The following DCC variants were observed in gnomAD, a reference collection of about 807,000 sequenced individuals.
DCC encodes the protein netrin receptor DCC.
DCC carries 58 observed loss-of-function variants against 172.5 expected under a neutral mutation model. The observed-to-expected ratio is 0.34, with a 90% CI of 0.27 to 0.42. The LOEUF (loss-of-function observed/expected upper bound fraction) is 0.42. DCC is among the 10% of genes least tolerant of loss of function. The pLI is 1.00. For synonymous variants in DCC, 709 were observed against 644.5 expected, an observed-to-expected ratio of 1.10 and a Z score of -1.52; for missense variants, 1,740 against 1,791.0, an observed-to-expected ratio of 0.97 and a Z score of 0.51.
At chr18:52,810,708 A>G (rs1183304107) in intron 2 of DCC, among the ~76,000 whole-genome samples, 1 of 152,164 alleles carries the variant, frequency 6.6e-6, no homozygotes, top group Non-Finnish European at 1.5e-5. Context: ...AGTGTAGAAA[A>G]CCAATTAGGA....
At chr18:53,480,329 G>T (rs922044768) in intron 25 of DCC, among the ~76,000 whole-genome samples, 1 of 152,144 alleles carries the variant, frequency 6.6e-6, no homozygotes, top group Non-Finnish European at 1.5e-5. Flanking sequence ...CTTGGAAAGC[G>T]TGTATAAACC....
At chr18:53,493,400 G>A (rs1378453851) in intron 26 of DCC, among the ~76,000 whole-genome samples, 2 of 152,168 alleles carry the variant, frequency 1.3e-5, no homozygotes, top group Non-Finnish European at 2.9e-5. Flanking sequence ...TCCTTGTCTT[G>A]TGCCAGTTTT....
At chr18:52,674,486 C>G (rs1488412162) in intron 1 of DCC, among the ~76,000 whole-genome samples, 1 of 152,222 alleles carries the variant, frequency 6.6e-6, no homozygotes, top group Non-Finnish European at 1.5e-5. Context: ...CAATGTTAAT[C>G]TCTTCCAGAA....
intron 1 of DCC, among the ~76,000 whole-genome samples, chr18:52,562,291 A>T (rs2144742089): frequency 6.6e-6 from 1 of 152,234 alleles, no homozygotes; most frequent in Non-Finnish European, 1.5e-5. Context: ...TTAATTAGTA[A>T]TTTGGCACAT....
chr18:53,057,325 G>A (rs2042422272), intron 5 of DCC, among the ~76,000 whole-genome samples: 1 of 151,958 alleles, frequency 6.6e-6, no homozygotes, highest in African/African-American at 2.4e-5. Flanking sequence ...CAAATTTAAG[G>A]TTTGCCTGTA....
intron 23 of DCC, among the ~76,000 whole-genome samples, chr18:53,453,175 A>G (rs1039551260): frequency 6.6e-6 from 1 of 152,128 alleles, no homozygotes; most frequent in African/African-American, 2.4e-5. Flanking sequence ...TCAGCCTCCC[A>G]AAGTGCTGGA....
Position 52,408,042 on chromosome 18 carries a change from C to A in DCC, c.91+67164C>A, listed in dbSNP as rs150626103. 3.9e-4 allele frequency among the ~76,000 whole-genome samples: 59 copies of A among 152,158 alleles called. 1 individual carries two copies. In the East Asian group the frequency reaches 5.6e-3, roughly 14 times the overall value. On this transcript the variant is annotated intron_variant, in intron 1 of 28. Coordinates refer to ENST00000442544, the MANE Select transcript of DCC (RefSeq NM_005215.4). The stretch of plus-strand genomic sequence containing the variant: ...GCAAACTTTGTATCTACTTATAAAT[C>A]TGCTGTTTTTATGAGAAAATAAATG...
chr18:53,515,176 T>TAAAC (rs1237915712), intron 27 of DCC, among the ~76,000 whole-genome samples: 29 of 151,928 alleles, frequency 1.9e-4, no homozygotes, highest in Non-Finnish European at 3.8e-4. Context: ...ATCCAGCATA[T>TAAAC]AAACAGAGCC....
In DCC at chr18:52,784,936, A is replaced by G. The variant is rs9953125; in HGVS notation, c.412+32562A>G. Among the ~76,000 whole-genome samples the G allele has an allele frequency of 7.3e-3, 1,061 of 144,468 alleles. 18 individuals are homozygous for G. Among genetic ancestry groups the G allele is most frequent in the African/African-American group, 0.024 (943 of 39,006 alleles). 94.8% of individuals were successfully genotyped at this position (144,468 alleles called of 152,430 possible). On this transcript the variant is annotated intron_variant, in intron 2 of 28. Transcript: ENST00000442544. ...AGAGAGAGAGAGAAGAGAAGGGGGG[A>G]GAGAGAGAGAGAGACAGAGAGAGAG... is the stretch of plus-strand genomic sequence containing the variant.
intron 5 of DCC, among the ~76,000 whole-genome samples, chr18:52,951,762 T>C (rs184003747): frequency 5.6e-4 from 85 of 152,342 alleles, no homozygotes; most frequent in African/African-American, 1.9e-3. Flanking sequence ...TCTCCAGATA[T>C]GTAGTTAGAT....
At chr18:52,360,756 T>G (rs1173437664) in intron 1 of DCC, among the ~76,000 whole-genome samples, 2 of 152,210 alleles carry the variant, frequency 1.3e-5, no homozygotes, top group African/African-American at 4.8e-5. Flanking sequence ...ACTGAAAGTC[T>G]TTTTTGGGGA....
chr18:52,410,745 G>A, intron 1 of DCC, among the ~76,000 whole-genome samples: 1 of 152,038 alleles, frequency 6.6e-6, no homozygotes, highest in African/African-American at 2.4e-5. Flanking sequence ...AATTGGTTTG[G>A]GCAATCATAA....
chr18:53,007,601 T>A (rs2041665067), intron 5 of DCC, among the ~76,000 whole-genome samples: 1 of 152,028 alleles, frequency 6.6e-6, no homozygotes, highest in Non-Finnish European at 1.5e-5. Flanking sequence ...TTCCTGTAAT[T>A]TTTTTCTCTG....
chr18:53,440,451 T>G (rs368437100), intron 22 of DCC, among the ~76,000 whole-genome samples: 33 of 151,776 alleles, frequency 2.2e-4, no homozygotes, highest in African/African-American at 8.0e-4. Context: ...AAGTGCTCTA[T>G]AAAATTTGTC....
intron 12 of DCC, among the ~76,000 whole-genome samples, chr18:53,290,693 C>T (rs2056992941): frequency 6.6e-6 from 1 of 151,910 alleles, no homozygotes; most frequent in Non-Finnish European, 1.5e-5. Context: ...TACTATAGAC[C>T]CAGCTGTACA....
chr18:53,281,818 T>C (rs2056876306), intron 12 of DCC, among the ~76,000 whole-genome samples: 1 of 148,400 alleles, frequency 6.7e-6, no homozygotes, highest in African/African-American at 2.5e-5. Flanking sequence ...ACCACCAGAA[T>C]TCACCAGGCT....
chr18:53,138,891 C>T (rs115511621), intron 7 of DCC, among the ~76,000 whole-genome samples: 6,076 of 152,160 alleles, frequency 0.04, 180 homozygotes, highest in African/African-American at 0.082. Context: ...ATACTTAGCA[C>T]GCAATATTCA....
chr18:53,373,795 T>A (rs1033084599), intron 15 of DCC, among the ~76,000 whole-genome samples: 1 of 152,172 alleles, frequency 6.6e-6, no homozygotes, highest in Non-Finnish European at 1.5e-5. Context: ...GCAATCTTAT[T>A]GCCATTGCCA....
intron 5 of DCC, among the ~76,000 whole-genome samples, chr18:53,019,234 T>C (rs2041847244): frequency 6.6e-6 from 1 of 152,212 alleles, no homozygotes. Flanking sequence ...CACTTGAACC[T>C]ATGGCTCTGA....
Sources: allele counts gnomAD v4.1 joint callset (sites outside exome capture counted in the v4.1 genomes callset), GRCh38; gene constraint gnomAD v4.1.1; transcripts MANE v1.5; gene names NCBI Gene and HGNC (gene_info 2026-07-23, HGNC 2026-07-21).